NRP1: variants seen among roughly 807,000 people sequenced by gnomAD.
NRP1 encodes the protein neuropilin 1.
In NRP1, 35 loss-of-function variants were observed where a neutral mutation model predicts 106.7. The observed-to-expected ratio is 0.33, with a 90% CI of 0.25 to 0.43. NRP1 has a LOEUF of 0.43. NRP1 is among the 20% of genes least tolerant of loss of function. NRP1 has a pLI of 1.00. For missense variants in NRP1, 1,024 were observed against 1,170.4 expected (o/e 0.87, Z 1.83); for synonymous variants, 437 against 417.9 (o/e 1.05, Z -0.56).
chr10:33,322,379 G>T (rs1847574183), intron 2 of NRP1, among the ~76,000 whole-genome samples: 1 of 151,890 alleles, frequency 6.6e-6, no homozygotes, highest in Non-Finnish European at 1.5e-5. Flanking sequence ...TTATTTATTT[G>T]TTTTTTTAAA....
At chr10:33,282,158 A>G (rs1179465707) in intron 2 of NRP1, among the ~76,000 whole-genome samples, 1 of 151,426 alleles carries the variant, frequency 6.6e-6, no homozygotes, top group Non-Finnish European at 1.5e-5. Context: ...GAAATCCGTT[A>G]AGTGTTTCCA....
At chr10:33,283,908 C>T (rs870087) in intron 2 of NRP1, among the ~76,000 whole-genome samples, 92,617 of 151,982 alleles carry the variant, frequency 0.61, 28,712 homozygotes, top group East Asian at 0.68. Context: ...GAACACATTT[C>T]AAACTAAACA....
chr10:33,255,310 C>T (rs1842122977), intron 5 of NRP1, among the ~76,000 whole-genome samples: 1 of 152,220 alleles, frequency 6.6e-6, no homozygotes, highest in Middle Eastern at 3.4e-3. Flanking sequence ...TTTCACTGGC[C>T]TCTTTATTTT....
chr10:33,240,694 A>G (rs751997725), intron 6 of NRP1, among the ~76,000 whole-genome samples: 2 of 152,310 alleles, frequency 1.3e-5, no homozygotes, highest in Non-Finnish European at 2.9e-5. Context: ...TTGGAAGTGC[A>G]GGTGTCCAAA....
chr10:33,199,779 G>C (rs1837132320), intron 11 of NRP1, among the ~76,000 whole-genome samples: 1 of 152,162 alleles, frequency 6.6e-6, no homozygotes, highest in South Asian at 2.1e-4. Context: ...GGTGGTTACA[G>C]GGTGCCATAA....
intron 9 of NRP1, among the ~76,000 whole-genome samples, chr10:33,210,369 T>C (rs1588729871): frequency 6.6e-6 from 1 of 152,196 alleles, no homozygotes; most frequent in East Asian, 1.9e-4. Context: ...GTTCTGTCTA[T>C]GTTAACATAC....
chr10:33,265,814 A>G (rs968539486), intron 3 of NRP1, among the ~76,000 whole-genome samples: 33 of 152,208 alleles, frequency 2.2e-4, no homozygotes, highest in Non-Finnish European at 4.1e-4. Context: ...TCGCCAGGTC[A>G]GTTCCAGGTA....
Position 33,281,661 on chromosome 10 carries a change from G to A in NRP1, c.249-10805C>T, listed in dbSNP as rs2150685. Among the ~76,000 whole-genome samples the A allele has an allele frequency of 6.8e-3, 1,037 of 152,226 alleles. 11 individuals are homozygous for A. The highest frequency in any genetic ancestry group is 0.024 in the African/African-American group (981 of 41,534). ...CTGCCACTGACTTGTGCCCTGGATAGGTCACTAACTGACTTCTGTGAGTCT... is the reference window on the plus strand; with the variant it reads ...CTGCCACTGACTTGTGCCCTGGATAAGTCACTAACTGACTTCTGTGAGTCT... On this transcript the variant is annotated intron_variant, in intron 2 of 16. Coordinates refer to ENST00000374867, the MANE Select transcript of NRP1 (RefSeq NM_003873.7).
intron 2 of NRP1, among the ~76,000 whole-genome samples, chr10:33,324,619 T>TATCCACTCCAAA (rs1847758261): frequency 6.6e-6 from 1 of 152,204 alleles, no homozygotes; most frequent in African/African-American, 2.4e-5. Context: ...TCACTGTCTA[T>TATCCACTCCAAA]GTTCAAGGAT....
At chr10:33,181,842 G>A (rs894621399) in intron 16 of NRP1, among the ~76,000 whole-genome samples, 10 of 152,230 alleles carry the variant, frequency 6.6e-5, no homozygotes, top group African/African-American at 2.4e-4. Flanking sequence ...GCTCACGCCT[G>A]TAATCCCAGC....
intron 12 of NRP1, among the ~76,000 whole-genome samples, chr10:33,192,805 C>A (rs1836506080): frequency 6.6e-6 from 1 of 152,036 alleles, no homozygotes; most frequent in Non-Finnish European, 1.5e-5. Flanking sequence ...AAGTTGATAC[C>A]CACCAATGAA....
intron 2 of NRP1, among the ~76,000 whole-genome samples, chr10:33,320,028 CG>C (rs1847373152): frequency 6.9e-6 from 1 of 143,978 alleles, no homozygotes; most frequent in African/African-American, 2.5e-5. Context: ...AAGCCTGCTC[CG>C]GGGCCGGGCG....
intron 6 of NRP1, among the ~76,000 whole-genome samples, chr10:33,243,610 G>C (rs952250136): frequency 7.5e-6 from 1 of 133,878 alleles, no homozygotes; most frequent in African/African-American, 3.1e-5. Context: ...CCTGAAAGAA[G>C]GCAATTAGAA....
At chr10:33,243,987 A>G (rs186930313) in intron 6 of NRP1, among the ~76,000 whole-genome samples, 35 of 150,708 alleles carry the variant, frequency 2.3e-4, no homozygotes, top group Admixed American at 7.3e-4. Context: ...GCGTCTGCCT[A>G]TGTTTCAGAT....
Position 33,256,482 on chromosome 10 carries a change from A to G in NRP1, c.659-11T>C. 1 of 1,613,406 alleles carries G rather than the reference A, an allele frequency of 6.2e-7. No homozygotes were observed. Among genetic ancestry groups the G allele is most frequent in the Non-Finnish European group, 8.5e-7 (1 of 1,179,364 alleles). On this transcript the variant is annotated splice_polypyrimidine_tract_variant and intron_variant, in intron 4 of 16. Coordinates refer to ENST00000374867, the MANE Select transcript of NRP1 (RefSeq NM_003873.7). Reference sequence around the variant, plus strand: ...CAATGTGAGGGCCAACTGGAAAGGGAGGAATACAGACGATGTCAAAATGTC... The same window carrying G: ...CAATGTGAGGGCCAACTGGAAAGGGGGGAATACAGACGATGTCAAAATGTC...
chr10:33,282,874 T>A lies in NRP1; in HGVS notation c.249-12018A>T, dbSNP rs140705610. Among the ~76,000 whole-genome samples, 789 of 152,218 alleles carry A rather than the reference T, an allele frequency of 5.2e-3. 5 individuals carry two copies. Among genetic ancestry groups the A allele is most frequent in the African/African-American group, 0.017 (709 of 41,512 alleles). ...AATTCTCCTGCCTCAGCCTCCTGAGTAGCTGGGACCACAGGTGCCCACCAC... is the reference window on the plus strand; with the variant it reads ...AATTCTCCTGCCTCAGCCTCCTGAGAAGCTGGGACCACAGGTGCCCACCAC... On this transcript the variant is annotated intron_variant, in intron 2 of 16. Transcript: ENST00000374867.
At chr10:33,237,028 G>T (rs1399533413) in intron 6 of NRP1, among the ~76,000 whole-genome samples, 1 of 151,236 alleles carries the variant, frequency 6.6e-6, no homozygotes, top group Non-Finnish European at 1.5e-5. Context: ...ACCTCTGCTT[G>T]GAGCCTAGCA....
At chr10:33,185,815 T>C (rs984288190) in intron 14 of NRP1, 91 bp from the exon 15 acceptor site, 7 of 1,108,790 alleles carry the variant, frequency 6.3e-6, no homozygotes, top group East Asian at 2.5e-5. Context: ...CTACGGCACA[T>C]AAATTAAATT....
intron 14 of NRP1, 28 bp from the exon 15 acceptor site, chr10:33,185,752 A>G (rs1018738991): frequency 6.4e-7 from 1 of 1,564,258 alleles, no homozygotes; most frequent in Non-Finnish European, 8.8e-7. Flanking sequence ...TTTTCACAGT[A>G]TTGAAATGCT....
Sources: gnomAD v4.1 joint callset for allele counts (sites outside exome capture counted in the v4.1 genomes callset) on GRCh38, gnomAD v4.1.1 for gene constraint, MANE v1.5 for transcripts, NCBI Gene and HGNC (gene_info 2026-07-23, HGNC 2026-07-21) for gene names.